EVC: variants seen among roughly 807,000 people sequenced by gnomAD.
EVC encodes evC complex member EVC.
EVC carries 116 observed loss-of-function variants against 118.9 expected under a neutral mutation model. The observed-to-expected ratio is 0.98, with a 90% CI of 0.84 to 1.14. EVC has a LOEUF of 1.14. Among genes scored for constraint, EVC ranks in the 50% most tolerant of loss-of-function variants. The pLI is 0.00. For synonymous variants in EVC, 619 were observed against 534.7 expected (o/e 1.16, Z -2.18); for missense variants, 1,401 against 1,246.4 (o/e 1.12, Z -1.87).
chr4:5,773,857 AGTCATTAAAT>A (rs1218768689), intron 11 of EVC, among the ~76,000 whole-genome samples: 1 of 152,038 alleles, frequency 6.6e-6, no homozygotes, highest in East Asian at 1.9e-4. Context: ...TTTACTCTGA[AGTCATTAAAT>A]GTGCATCTTC....
rs897410017 is a variant in EVC at position 5,793,620 on chromosome 4, G to T, written c.1789G>T (p.Glu597Ter). ...GTCCCGAGTTCAGGTGTGGATGGAG[G>T]AGTGTGCGCTGTCCAGCGTGCTGCA... ...LEQDQQVWMEECALSSVLQTH... is the reference protein window; with the variant it reads ...LEQDQQVWME The change falls in exon 13 of 21, where the codon GAG (glutamate) becomes TAG (stop). Residue 597 changes from glutamate to a stop codon, truncating the protein, a stop_gained. Coordinates refer to ENST00000264956, the MANE Select transcript of EVC (RefSeq NM_153717.3). LOFTEE classifies it high-confidence loss of function. 22 of 1,552,128 alleles carry T rather than the reference G, an allele frequency of 1.4e-5. No individual in the cohort carries two copies. Among genetic ancestry groups the T allele is most frequent in the Non-Finnish European group, 1.9e-5 (22 of 1,147,296 alleles).
In EVC at chr4:5,719,360, A is replaced by G. The variant is rs763416267; in HGVS notation, c.287A>G (p.Lys96Arg). The change falls in exon 2 of 21, where the codon AAG becomes AGG. Residue 96 changes from lysine (K) to arginine (R), a missense_variant. Transcript: ENST00000264956. The surrounding 1 kb of genome is among the most constrained non-coding windows in gnomAD (Gnocchi z 4.7). ...RKREVQMSKD[K>R]EAVDECEPPS... ...AGAGAAGTGCAGATGTCGAAGGACA[A>G]GGAAGCTGTTGATGTAAGCTTGGTG... 3.7e-6 allele frequency: 6 copies of G among 1,614,200 alleles called. No homozygotes were observed. The South Asian group carries it at 4.4e-5, about 12-fold the overall frequency.
rs1726758784 is a variant in EVC, at chr4:5,731,237, G to T, written c.385-188G>T. ...TGAGGACAAGTGAACTGTGATTCGG[G>T]CCTCTGGGCTGTCGATGTGGCAGAA... On this transcript the variant is annotated intron_variant, in intron 3 of 20. Coordinates refer to ENST00000264956, the MANE Select transcript of EVC (RefSeq NM_153717.3). This position sits in a 1 kb window ranked among gnomAD's most constrained non-coding sequence, Gnocchi z 5.6. Among the ~76,000 whole-genome samples, 1 of 151,988 alleles carries T rather than the reference G, an allele frequency of 6.6e-6. No individual in the cohort carries two copies. Among genetic ancestry groups the T allele is most frequent in the Admixed American group, 6.6e-5 (1 of 15,246 alleles).
the EVC span, among the ~76,000 whole-genome samples, chr4:5,827,733 GCA>G: frequency 4.3e-4 from 59 of 138,068 alleles, no homozygotes; most frequent in East Asian, 3.7e-3. Flanking sequence ...ATGTGCGCGT[GCA>G]CACACACACA....
intron 11 of EVC, among the ~76,000 whole-genome samples, chr4:5,757,811 G>C (rs947022616): frequency 6.6e-6 from 1 of 151,346 alleles, no homozygotes; most frequent in African/African-American, 2.5e-5. Context: ...TTGGAGGTTA[G>C]AGCTTCAACA....
rs1332903733 is a variant in EVC at position 5,743,227 on chromosome 4, G to T, written c.801+1413G>T. 6.6e-6 allele frequency among the ~76,000 whole-genome samples: 1 copy of T among 152,068 alleles called. No homozygotes were observed. Among genetic ancestry groups the T allele is most frequent in the African/African-American group, 2.4e-5 (1 of 41,408 alleles). The stretch of plus-strand genomic sequence containing the variant: ...CATCACCATCCACTGGTTCCTGCCG[G>T]TTTCTTCACTTTATCCTGTCTGGAC... On this transcript the variant is annotated intron_variant, in intron 6 of 20. Coordinates refer to ENST00000264956, the MANE Select transcript of EVC (RefSeq NM_153717.3). The surrounding 1 kb of genome is among the most constrained non-coding windows in gnomAD (Gnocchi z 4.7).
chr4:5,797,144 T>A lies in EVC; in HGVS notation c.2009T>A (p.Leu670His), dbSNP rs1404936868. ...TQMRLSGKKHLLQELREQRAL... is the reference protein window; with the variant it reads ...TQMRLSGKKHHLQELREQRAL... ...ATGCGGCTATCGGGGAAGAAGCACCTCCTGCAGGAGCTGCGGGAACAGCGT... is the reference window on the plus strand; with the variant it reads ...ATGCGGCTATCGGGGAAGAAGCACCACCTGCAGGAGCTGCGGGAACAGCGT... Residue 670 changes from leucine to histidine, a missense_variant, in exon 14 of 21, where the codon CTC (leucine) becomes CAC (histidine). Physicochemically the swap from Leu to His is moderately conservative, Grantham distance 99. Transcript: ENST00000264956. 5 of 1,613,514 alleles carry A rather than the reference T, an allele frequency of 3.1e-6. No individual in the cohort carries two copies. The highest frequency in any genetic ancestry group is 3.4e-6 in the Non-Finnish European group (4 of 1,180,022).
In EVC at chr4:5,812,859, C is replaced by T. The variant is rs1397836610; in HGVS notation, c.*1822C>T. ...CCCGTGTCCATGGGGTTATCACCCA[C>T]TGTGCTGAGTCAAAGGGTGCCTTGC... On this transcript the variant is annotated 3_prime_UTR_variant, in exon 21 of 21. Coordinates refer to ENST00000264956, the MANE Select transcript of EVC (RefSeq NM_153717.3). 6.9e-6 allele frequency: 1 copy of T among 143,940 alleles called. No individual in the cohort carries two copies. Among genetic ancestry groups the T allele is most frequent in the African/African-American group, 2.5e-5 (1 of 39,582 alleles). 8.9% of individuals were successfully genotyped at this position (143,940 alleles called of 1,614,324 possible). A position where few individuals can be genotyped will look rare whatever the true frequency, so the allele number is the denominator to read the frequency against.
chr4:5,729,303 C>G lies in EVC; in HGVS notation c.301-4C>G. On this transcript the variant is annotated splice_region_variant and splice_polypyrimidine_tract_variant and intron_variant, in intron 2 of 20. Coordinates refer to ENST00000264956, the MANE Select transcript of EVC (RefSeq NM_153717.3). ...CCCATGCCGTTTGTGTCTTTCCCTCCCAGGAATGTGAGCCGCCTTCCAACA... is the reference window on the plus strand; with the variant it reads ...CCCATGCCGTTTGTGTCTTTCCCTCGCAGGAATGTGAGCCGCCTTCCAACA... 6.2e-7 allele frequency: 1 copy of G among 1,614,046 alleles called. No homozygotes were observed.
chr4:5,722,952 G>C (rs1186239472), intron 2 of EVC, among the ~76,000 whole-genome samples: 1 of 152,192 alleles, frequency 6.6e-6, no homozygotes, highest in Non-Finnish European at 1.5e-5. Flanking sequence ...TGTTCAGGTA[G>C]CAGAGCCCGC....
intron 5 of EVC, among the ~76,000 whole-genome samples, chr4:5,741,513 T>C (rs1728568923): frequency 6.6e-6 from 1 of 152,128 alleles, no homozygotes; most frequent in Non-Finnish European, 1.5e-5. Flanking sequence ...TTCATGAAAA[T>C]GTAATGCATT....
chr4:5,803,285 C>A (rs146478372), intron 16 of EVC, among the ~76,000 whole-genome samples: 67 of 152,352 alleles, frequency 4.4e-4, no homozygotes, highest in African/African-American at 1.6e-3. Flanking sequence ...GGAGAGTCTT[C>A]CCTGAGTGTT....
At position 5,788,867 on chromosome 4, in the gene EVC, T is replaced by C. The variant is rs552934337; in HGVS notation, c.1777-4741T>C. Reference sequence around the variant, plus strand: ...CAGCCCAACACAAATTCATAAACTTTCTTAAAACATCATGAGATTTTTTCA... The same window carrying C: ...CAGCCCAACACAAATTCATAAACTTCCTTAAAACATCATGAGATTTTTTCA... On this transcript the variant is annotated intron_variant, in intron 12 of 20. Coordinates refer to ENST00000264956, the MANE Select transcript of EVC (RefSeq NM_153717.3). 1.2e-4 allele frequency among the ~76,000 whole-genome samples: 19 copies of C among 152,296 alleles called. No individual in the cohort carries two copies. The South Asian group carries it at 3.9e-3, about 32-fold the overall frequency.
chr4:5,803,151 A>G (rs62297683), intron 16 of EVC, among the ~76,000 whole-genome samples: 16,899 of 152,178 alleles, frequency 0.11, 1,008 homozygotes, highest in Non-Finnish European at 0.13. Context: ...TTGGAAGCCA[A>G]TTTCTTAAAT....
At chr4:5,782,016 G>A (rs1172640870) in intron 11 of EVC, among the ~76,000 whole-genome samples, 1 of 152,142 alleles carries the variant, frequency 6.6e-6, no homozygotes, top group Non-Finnish European at 1.5e-5. Flanking sequence ...GAGGGAAAAG[G>A]ATTGCAGGGA....
chr4:5,753,142 G>A (rs890102443), intron 9 of EVC, 90 bp downstream of exon 9: 5 of 1,261,376 alleles, frequency 4.0e-6, no homozygotes, highest in East Asian at 5.1e-5. Flanking sequence ...GCCTGGGGCA[G>A]TGTGCCCATG....
chr4:5,818,591 T>C (rs1276658752), downstream of EVC, among the ~76,000 whole-genome samples: 1 of 152,014 alleles, frequency 6.6e-6, no homozygotes, highest in Non-Finnish European at 1.5e-5. Context: ...AGTGAGTCAG[T>C]GGATTAATGG....
At chr4:5,762,748 T>TG in intron 11 of EVC, among the ~76,000 whole-genome samples, 1 of 113,958 alleles carries the variant, frequency 8.8e-6, no homozygotes, top group Admixed American at 9.9e-5. Context: ...TTGATGGGGT[T>TG]GTTTGTTTTT....
chr4:5,790,830 A>G (rs1415522955), intron 12 of EVC, among the ~76,000 whole-genome samples: 1 of 152,240 alleles, frequency 6.6e-6, no homozygotes, highest in Non-Finnish European at 1.5e-5. Flanking sequence ...GTGGTAGCTC[A>G]TGCCTGTAAT....
Sources: allele counts gnomAD v4.1 joint callset (sites outside exome capture counted in the v4.1 genomes callset), GRCh38; gene constraint gnomAD v4.1.1; non-coding constraint Gnocchi (gnomAD v3.1); transcripts MANE v1.5; gene names NCBI Gene and HGNC (gene_info 2026-07-23, HGNC 2026-07-21).